The following SAMD8 variants were observed in gnomAD, a reference collection of about 807,000 sequenced individuals.
SAMD8 encodes the protein sphingomyelin synthase-related protein 1.
A neutral mutation model predicts 42.0 loss-of-function variants in SAMD8; 20 were observed. The ratio of observed to expected loss-of-function variants is 0.48; its 90% CI spans 0.34 to 0.69. SAMD8 has a LOEUF of 0.69. Among genes scored for constraint, SAMD8 ranks in the 30% least tolerant of loss-of-function variants. SAMD8 has a pLI of 0.01. For missense variants in SAMD8, 328 were observed against 511.6 expected (o/e 0.64, Z 3.46); for synonymous variants, 162 against 173.0 (o/e 0.94, Z 0.50).
intron 1 of SAMD8, among the ~76,000 whole-genome samples, chr10:75,147,384 T>C (rs1377410403): frequency 6.6e-6 from 1 of 152,180 alleles, no homozygotes; most frequent in Admixed American, 6.6e-5. Flanking sequence ...TGGAGTGCCG[T>C]GGTGTGATCT....
chr10:75,119,277 A>G (rs7072512), intron 1 of SAMD8, among the ~76,000 whole-genome samples: 4 of 151,588 alleles, frequency 2.6e-5, no homozygotes, highest in African/African-American at 9.7e-5. Flanking sequence ...GCCTCAGCCT[A>G]CTGAGTAGCT....
chr10:75,110,113 G>A (rs1019478346), upstream of SAMD8, among the ~76,000 whole-genome samples: 4 of 152,174 alleles, frequency 2.6e-5, no homozygotes, highest in Admixed American at 2.0e-4. Flanking sequence ...CGCCGTGCCG[G>A]GCCAATGGGG....
At chr10:75,155,471 A>G (rs1446373520) in intron 2 of SAMD8, among the ~76,000 whole-genome samples, 3 of 152,058 alleles carry the variant, frequency 2.0e-5, no homozygotes, top group Non-Finnish European at 2.9e-5. Flanking sequence ...AAAAAAAAAA[A>G]GTATTTTAAG....
chr10:75,131,263 T>G (rs867370431), intron 1 of SAMD8, among the ~76,000 whole-genome samples: 15 of 152,236 alleles, frequency 9.9e-5, no homozygotes, highest in East Asian at 1.9e-4. Context: ...TAATTCTGCT[T>G]CTTCTCTGCT....
chr10:75,102,727 C>G (rs903085803), intron 1 of SAMD8, among the ~76,000 whole-genome samples: 2 of 151,910 alleles, frequency 1.3e-5, no homozygotes, highest in African/African-American at 4.8e-5. Flanking sequence ...CCGAGGTGGG[C>G]GGATCACCTG....
intron 1 of SAMD8, among the ~76,000 whole-genome samples, chr10:75,129,912 C>T (rs1033801025): frequency 6.6e-6 from 1 of 152,084 alleles, no homozygotes; most frequent in African/African-American, 2.4e-5. Context: ...GGGCACTGTT[C>T]TAGACTAAAA....
At chr10:75,171,872 A>C (rs1337512558) in intron 4 of SAMD8, among the ~76,000 whole-genome samples, 2 of 152,032 alleles carry the variant, frequency 1.3e-5, no homozygotes, top group Admixed American at 6.6e-5. Context: ...TAAAAATACA[A>C]ATAATTAGCT....
intron 4 of SAMD8, among the ~76,000 whole-genome samples, chr10:75,174,963 C>T (rs573354584): frequency 4.6e-5 from 7 of 152,210 alleles, no homozygotes; most frequent in South Asian, 4.1e-4. Flanking sequence ...GATAATTTTA[C>T]GAAGTCATCC....
chr10:75,116,565 T>C (rs1326873054), intron 1 of SAMD8, among the ~76,000 whole-genome samples: 11 of 152,220 alleles, frequency 7.2e-5, no homozygotes, highest in Admixed American at 7.2e-4. Flanking sequence ...GGCCTTCCTA[T>C]AGGTTAACTG....
Sources: gnomAD v4.1 joint callset for allele counts (sites outside exome capture counted in the v4.1 genomes callset) on GRCh38, gnomAD v4.1.1 for gene constraint, MANE v1.5 for transcripts, NCBI Gene and HGNC (gene_info 2026-07-23, HGNC 2026-07-21) for gene names.